Variants in CLNS1A observed in about 807,000 individuals in gnomAD.
The protein encoded by CLNS1A is methylosome subunit pICln.
Under a neutral mutation model 29.4 loss-of-function variants are expected in CLNS1A, and 16 were observed. That is an observed-to-expected ratio of 0.54 (90% CI 0.37 to 0.83). CLNS1A has a LOEUF of 0.83. CLNS1A is among the 40% of genes least tolerant of loss of function. The probability of loss-of-function intolerance (pLI) is 0.00; values close to 1 mark genes in which losing one functional copy is unlikely to be tolerated. For missense variants in CLNS1A, 235 were observed against 287.4 expected (o/e 0.82, Z 1.32); for synonymous variants, 96 against 104.8 (o/e 0.92, Z 0.51).
Position 77,625,809 on chromosome 11 carries a change from T to C in CLNS1A, c.272A>G (p.Lys91Arg). ...CTCTTCTTCATCAGCAACAGGTTCT[T>C]TTGATTCTTCTAGAAAATAAAATAC... ...MVNAKFEEES[K>R]EPVADEEEED... The change falls in exon 3 of 7, where the codon AAA becomes AGA. Residue 91 changes from lysine (K) to arginine (R), a missense_variant. Transcript: ENST00000525428. 6.3e-7 allele frequency: 1 copy of C among 1,574,922 alleles called. No individual in the cohort carries two copies. Among genetic ancestry groups the C allele is most frequent in the East Asian group, 2.2e-5 (1 of 44,678 alleles).
intron 2 of CLNS1A, among the ~76,000 whole-genome samples, 165 bp downstream of exon 2, chr11:77,629,598 A>G (rs1217264854): frequency 6.6e-6 from 1 of 152,068 alleles, no homozygotes; most frequent in Non-Finnish European, 1.5e-5. Flanking sequence ...TTTTCACCGT[A>G]TTAGCCAGGA....
At chr11:77,629,445 G>A (rs1959052422) in intron 2 of CLNS1A, among the ~76,000 whole-genome samples, 2 of 150,918 alleles carry the variant, frequency 1.3e-5, no homozygotes, top group Non-Finnish European at 2.9e-5. Flanking sequence ...CCAGGCTGGA[G>A]TGCAGTGGCA....
At chr11:77,630,971 T>G (rs1959067743) in intron 1 of CLNS1A, among the ~76,000 whole-genome samples, 1 of 152,218 alleles carries the variant, frequency 6.6e-6, no homozygotes, top group South Asian at 2.1e-4. Context: ...TTAAACTGTA[T>G]GCTATATGAA....
rs1287475035 is a variant in CLNS1A at position 77,616,314 on chromosome 11, A to G, written c.*404T>C. 6.6e-6 allele frequency: 1 copy of G among 152,242 alleles called. No individual in the cohort carries two copies. The highest frequency in any genetic ancestry group is 1.5e-5 in the Non-Finnish European group (1 of 68,038). The allele number at this position is 152,242 out of a possible 1,614,324, so 9.4% of individuals were successfully genotyped here. A position where few individuals can be genotyped will look rare whatever the true frequency, so the allele number is the denominator to read the frequency against. Reference sequence around the variant, plus strand: ...ACAACCTAAGAGGTTATAACAGCAGACTGGTAAAACATGGCGAAAGGAGCT... The same window carrying G: ...ACAACCTAAGAGGTTATAACAGCAGGCTGGTAAAACATGGCGAAAGGAGCT... On this transcript the variant is annotated 3_prime_UTR_variant, in exon 7 of 7. Transcript: ENST00000525428.
Position 77,622,658 on chromosome 11 carries a change from T to G in CLNS1A, c.488A>C (p.Asp163Ala). The G allele has an allele frequency of 9.4e-6, 15 of 1,591,726 alleles. No homozygotes were observed. The highest frequency in any genetic ancestry group is 1.2e-5 in the Non-Finnish European group (14 of 1,173,748). ...TTCATAGGTGTAAAATGTAGGGATGTCCCCCTGTCCTTGTTCTAAACAAAC... is the reference window on the plus strand; with the variant it reads ...TTCATAGGTGTAAAATGTAGGGATGGCCCCCTGTCCTTGTTCTAAACAAAC... ...DVEAHEQGQG[D>A]IPTFYTYEEG... is the part of the protein sequence containing the mutation. Residue 163 changes from aspartate (D) to alanine (A), a missense_variant, in exon 5 of 7, where the codon GAC becomes GCC. Physicochemically the swap from Asp to Ala is moderately radical, Grantham distance 126. Coordinates refer to ENST00000525428, the MANE Select transcript of CLNS1A (RefSeq NM_001293.3).
In CLNS1A at chr11:77,625,741, A is replaced by C. The variant is rs1483051488; in HGVS notation, c.340T>G (p.Phe114Val). 6.8e-6 allele frequency: 11 copies of C among 1,612,876 alleles called. No homozygotes were observed. ...DDVEPITEFR[F>V]VPSDKSALEA... ...CACGCTGATTTATCACTAGGCACAA[A>C]TCTAAATTCAGTAATAGGTTCAACA... Residue 114 changes from phenylalanine (F) to valine (V), a missense_variant, in exon 3 of 7, where the codon TTT (phenylalanine) becomes GTT (valine). By Grantham distance (50) the Phe-to-Val change is conservative. Transcript: ENST00000525428.
At chr11:77,627,361 C>T (rs1283580720) in intron 2 of CLNS1A, among the ~76,000 whole-genome samples, 1 of 151,260 alleles carries the variant, frequency 6.6e-6, no homozygotes, top group Non-Finnish European at 1.5e-5. Flanking sequence ...ATCGCTTGAA[C>T]CCAGGAGGCA....
In CLNS1A at chr11:77,627,276, C is replaced by CA. The variant is rs1291155480; in HGVS notation, c.263-1459dup. ...GTGAAACCCCAACTCTACTAAAATACAAAAAAAAAAAAATTAGCGGGGCGT... is the reference window on the plus strand; with the variant it reads ...GTGAAACCCCAACTCTACTAAAATACAAAAAAAAAAAAAATTAGCGGGGCGT... On this transcript the variant is annotated intron_variant, in intron 2 of 6. Coordinates refer to ENST00000525428, the MANE Select transcript of CLNS1A (RefSeq NM_001293.3). 4.3e-3 allele frequency among the ~76,000 whole-genome samples: 577 copies of CA among 135,694 alleles called. 4 individuals are homozygous for CA. Among genetic ancestry groups the CA allele is most frequent in the Admixed American group, 7.3e-3 (98 of 13,514 alleles). 89.0% of individuals were successfully genotyped at this position (135,694 alleles called of 152,430 possible). A position where few individuals can be genotyped will look rare whatever the true frequency, so the allele number is the denominator to read the frequency against.
rs1487418014 is a variant in CLNS1A, at chr11:77,625,671, T to A, written c.364+46A>T. Reference sequence around the variant, plus strand: ...TATGTGTGTGTGTGTCAATTGGGAATGCTTGGTATGTAAAAGGGGAAGAAT... The same window carrying A: ...TATGTGTGTGTGTGTCAATTGGGAAAGCTTGGTATGTAAAAGGGGAAGAAT... On this transcript the variant is annotated intron_variant, in intron 3 of 6. Transcript: ENST00000525428. 3 of 1,542,190 alleles carry A rather than the reference T, an allele frequency of 1.9e-6. No individual in the cohort carries two copies. In the East Asian group the frequency reaches 6.8e-5, roughly 35 times the overall value.
At chr11:77,624,302 C>G (rs966752470) in intron 4 of CLNS1A, among the ~76,000 whole-genome samples, 1 of 151,962 alleles carries the variant, frequency 6.6e-6, no homozygotes, top group South Asian at 2.1e-4. Context: ...TATAAATGAT[C>G]CAGGTTCTCA....
intron 2 of CLNS1A, among the ~76,000 whole-genome samples, chr11:77,628,035 AG>A (rs1959038621): frequency 6.6e-6 from 1 of 152,204 alleles, no homozygotes; most frequent in African/African-American, 2.4e-5. Flanking sequence ...CATGTTGGCC[AG>A]GATGGTCTCG....
rs1959058345 is a variant in CLNS1A, at chr11:77,629,903, A to G, written c.126-4T>C. 7 of 1,613,716 alleles carry G rather than the reference A, an allele frequency of 4.3e-6. No homozygotes were observed. Among genetic ancestry groups the G allele is most frequent in the Non-Finnish European group, 5.9e-6 (7 of 1,179,722 alleles). On this transcript the variant is annotated splice_polypyrimidine_tract_variant and splice_region_variant and intron_variant, in intron 1 of 6. Coordinates refer to ENST00000525428, the MANE Select transcript of CLNS1A (RefSeq NM_001293.3). ...GCCATCTAACCAAGACAGGCGGCTGAAAAACATGTTTTAAGTAGATTATTT... is the reference window on the plus strand; with the variant it reads ...GCCATCTAACCAAGACAGGCGGCTGGAAAACATGTTTTAAGTAGATTATTT...
intron 4 of CLNS1A, among the ~76,000 whole-genome samples, chr11:77,623,478 C>T (rs1235769229): frequency 6.6e-6 from 1 of 151,758 alleles, no homozygotes; most frequent in Non-Finnish European, 1.5e-5. Flanking sequence ...CCTGTAGTCT[C>T]AGCTAATCGG....
At chr11:77,628,756 G>A (rs529701628) in intron 2 of CLNS1A, among the ~76,000 whole-genome samples, 11 of 152,244 alleles carry the variant, frequency 7.2e-5, no homozygotes, top group African/African-American at 2.2e-4. Flanking sequence ...AAAGCAACCC[G>A]TTATTTTAAA....
Position 77,614,726 on chromosome 11 carries a change from T to C in CLNS1A, c.*1992A>G, listed in dbSNP as rs1958894233. 1 of 152,194 alleles carries C rather than the reference T, an allele frequency of 6.6e-6. No individual in the cohort carries two copies. Among genetic ancestry groups the C allele is most frequent in the Non-Finnish European group, 1.5e-5 (1 of 68,028 alleles). 9.4% of individuals were successfully genotyped at this position (152,194 alleles called of 1,614,324 possible). A position where few individuals can be genotyped will look rare whatever the true frequency, so the allele number is the denominator to read the frequency against. On this transcript the variant is annotated 3_prime_UTR_variant, in exon 7 of 7. Coordinates refer to ENST00000525428, the MANE Select transcript of CLNS1A (RefSeq NM_001293.3). ...CATTAACCCTAGCTTTTAGGAACAT[T>C]TAGATGACTTACATTTTGGAGGGGA...
At chr11:77,619,539 A>G (rs1958935913) in intron 6 of CLNS1A, 67 bp downstream of exon 6, 5 of 1,087,992 alleles carry the variant, frequency 4.6e-6, no homozygotes, top group Non-Finnish European at 2.8e-6. Flanking sequence ...AGAATTTTAA[A>G]AAGTAGAAAG....
At position 77,616,693 on chromosome 11, in the gene CLNS1A, A is replaced by C. The variant is rs541390324; in HGVS notation, c.*25T>G. On this transcript the variant is annotated splice_region_variant and 3_prime_UTR_variant, in exon 7 of 7. Transcript: ENST00000525428. ...AGTTCTCTCCTACACTTAGGAGCAGAATCTGAAAAACAAAAGGTTTACAGT... is the reference window on the plus strand; with the variant it reads ...AGTTCTCTCCTACACTTAGGAGCAGCATCTGAAAAACAAAAGGTTTACAGT... 2 of 152,688 alleles carry C rather than the reference A, an allele frequency of 1.3e-5. No homozygotes were observed. Among genetic ancestry groups the C allele is most frequent in the South Asian group, 4.1e-4 (2 of 4,824 alleles). 9.5% of individuals were successfully genotyped at this position (152,688 alleles called of 1,614,324 possible). A position where few individuals can be genotyped will look rare whatever the true frequency, so the allele number is the denominator to read the frequency against.
At chr11:77,628,955 T>C (rs933908096) in intron 2 of CLNS1A, among the ~76,000 whole-genome samples, 7 of 152,160 alleles carry the variant, frequency 4.6e-5, no homozygotes, top group Admixed American at 1.3e-4. Flanking sequence ...GGCATCTAAC[T>C]GCTAGACACC....
intron 5 of CLNS1A, chr11:77,622,028 G>A (rs1958963309): frequency 2.2e-6 from 1 of 456,074 alleles, no homozygotes. Context: ...CTCTTGCTTT[G>A]GTGGGTGTGT....
Sources: allele counts gnomAD v4.1 joint callset (sites outside exome capture counted in the v4.1 genomes callset), GRCh38; gene constraint gnomAD v4.1.1; transcripts MANE v1.5; gene names NCBI Gene and HGNC (gene_info 2026-07-23, HGNC 2026-07-21).